The following ABCA4 variants were observed in gnomAD, a reference collection of about 807,000 sequenced individuals.
ABCA4 encodes retinal-specific phospholipid-transporting ATPase ABCA4.
In ABCA4, 196 loss-of-function variants were observed where a neutral mutation model predicts 263.7. The ratio of observed to expected loss-of-function variants is 0.74; its 90% CI spans 0.66 to 0.84. ABCA4 has a LOEUF of 0.84. Among genes scored for constraint, ABCA4 ranks in the 40% least tolerant of loss-of-function variants. ABCA4 has a pLI of 0.00. For missense variants in ABCA4, 2,792 were observed against 2,855.1 expected (o/e 0.98, Z 0.50); for synonymous variants, 1,133 against 1,094.2 (o/e 1.04, Z -0.70).
intron 11 of ABCA4, among the ~76,000 whole-genome samples, chr1:94,075,134 G>A (rs1404049126): frequency 6.6e-6 from 1 of 152,062 alleles, no homozygotes. Context: ...ACACAGGGAG[G>A]GGAACATCAC....
chr1:94,005,507 G>C lies in ABCA4; in HGVS notation c.6081C>G (p.Leu2027=). The C allele has an allele frequency of 6.2e-7, 1 of 1,614,104 alleles. No individual in the cohort carries two copies. The highest frequency in any genetic ancestry group is 1.1e-5 in the South Asian group (1 of 91,084). Residue 2027 remains leucine, a synonymous_variant, in exon 44 of 50, where the codon CTC becomes CTG. Transcript: ENST00000370225. ...AAAGGTAAAGATGTTCTCGTCCTGT[G>C]AGCAGCTCATCAATTGCATCAAACT... ...CPQFDAIDEL[L]TGREHLYLYA...
At chr1:94,037,089 T>C (rs913683409) in intron 25 of ABCA4, 56 bp downstream of exon 25, 2 of 1,579,586 alleles carry the variant, frequency 1.3e-6, no homozygotes, top group Admixed American at 3.3e-5. Flanking sequence ...TTAGACTTTT[T>C]CAAAGAACCG....
chr1:94,032,646 AG>A (rs1660236722), intron 26 of ABCA4, among the ~76,000 whole-genome samples: 1 of 152,208 alleles, frequency 6.6e-6, no homozygotes, highest in South Asian at 2.1e-4. Flanking sequence ...AACAGCACAA[AG>A]AAAACCAAAC....
intron 11 of ABCA4, among the ~76,000 whole-genome samples, chr1:94,073,184 C>T (rs952997245): frequency 1.3e-5 from 2 of 152,174 alleles, no homozygotes; most frequent in Non-Finnish European, 2.9e-5. Flanking sequence ...AAATCCAGGA[C>T]AAGCCACAGT....
chr1:94,007,681 A>G lies in ABCA4; in HGVS notation c.5958T>C (p.Thr1986=). The G allele has an allele frequency of 6.2e-7, 1 of 1,614,120 alleles. No homozygotes were observed. Reference sequence around the variant, plus strand: ...CCCCTGAGGTCACTGTGGTGTCCCCAGTGAGCATCTTGAATGTGGTTGTTT... The same window carrying G: ...CCCCTGAGGTCACTGTGGTGTCCCCGGTGAGCATCTTGAATGTGGTTGTTT... The part of the protein sequence containing the change: ...AGKTTTFKML[T]GDTTVTSGDA... Residue 1986 remains threonine (T), a synonymous_variant, in exon 43 of 50, where the codon ACT becomes ACC. Transcript: ENST00000370225.
Position 94,077,700 on chromosome 1 carries a change from T to C in ABCA4, c.1544A>G (p.Gln515Arg), listed in dbSNP as rs372838089. The change falls in exon 11 of 50, where the codon CAA (glutamine) becomes CGA (arginine). Residue 515 changes from glutamine (Q) to arginine (R), a missense_variant. By Grantham distance (43) the Gln-to-Arg change is conservative. Transcript: ENST00000370225. ...ITDRTLRLVN[Q>R]YLECLVLDKF... is the part of the protein sequence containing the mutation. ...CTTGCAGCCCCTTACCTCCAGGTAT[T>C]GATTGACCAGGCGGAGGGTGCGATC... The C allele has an allele frequency of 1.8e-5, 29 of 1,612,372 alleles. No individual in the cohort carries two copies. In the African/African-American group the frequency reaches 3.7e-4, roughly 21 times the overall value.
Position 94,111,337 on chromosome 1 carries a change from G to A in ABCA4, c.302+101C>T, listed in dbSNP as rs2297635. On this transcript the variant is annotated intron_variant, in intron 3 of 49. Coordinates refer to ENST00000370225, the MANE Select transcript of ABCA4 (RefSeq NM_000350.3). ...GGTTAGGGGCTCAGCAAAGCCACAA[G>A]AACACTCAGTGCTCCATGCTCCGTG... 172,384 of 1,488,106 alleles carry A rather than the reference G, an allele frequency of 0.12. 12,482 individuals carry two copies. The highest frequency in any genetic ancestry group is 0.29 in the African/African-American group (21,021 of 72,120). The allele number at this position is 1,488,106 out of a possible 1,614,324, so 92.2% of individuals were successfully genotyped here.
In ABCA4 at chr1:94,079,568, G is replaced by T. The variant is rs114125738; in HGVS notation, c.1100-107C>A. 7.4e-4 allele frequency: 1,129 copies of T among 1,525,670 alleles called. 4 individuals are homozygous for T. The African/African-American group carries it at 0.014, about 18-fold the overall frequency. 94.5% of individuals were successfully genotyped at this position (1,525,670 alleles called of 1,614,324 possible). A position where few individuals can be genotyped will look rare whatever the true frequency, so the allele number is the denominator to read the frequency against. On this transcript the variant is annotated intron_variant, in intron 8 of 49. Coordinates refer to ENST00000370225, the MANE Select transcript of ABCA4 (RefSeq NM_000350.3). ...ATGTCTCATTCAACTCCATGCTGGA[G>T]GATTTGATGAATAACCTAAATTAAT...
Position 94,056,772 on chromosome 1 carries a change from C to T in ABCA4, c.2211G>A (p.Leu737=). The change falls in exon 15 of 50, where the codon TTG becomes TTA. Residue 737 remains leucine, a synonymous_variant. Transcript: ENST00000370225. ...TGATGGTGGCAGTGGAGAAAGCCAACAAGAACAGGAAGAGGATGAATGGGT... is the reference window on the plus strand; with the variant it reads ...TGATGGTGGCAGTGGAGAAAGCCAATAAGAACAGGAAGAGGATGAATGGGT... ...YSDPFILFLF[L]LAFSTATIML... 6.2e-7 allele frequency: 1 copy of T among 1,613,136 alleles called. No homozygotes were observed. The highest frequency in any genetic ancestry group is 8.5e-7 in the Non-Finnish European group (1 of 1,179,508).
At chr1:94,064,673 G>T (rs545803399) in intron 11 of ABCA4, among the ~76,000 whole-genome samples, 7 of 152,302 alleles carry the variant, frequency 4.6e-5, no homozygotes, top group South Asian at 2.1e-4. Context: ...AAACTCCCTA[G>T]GTAATTGCAA....
At position 94,045,318 on chromosome 1, in the gene ABCA4, CTT is replaced by C. The variant is rs10717749; in HGVS notation, c.2919-576_2919-575del. 4.4e-3 allele frequency among the ~76,000 whole-genome samples: 588 copies of C among 132,586 alleles called. 6 individuals are homozygous for C. The highest frequency in any genetic ancestry group is 0.016 in the South Asian group (61 of 3,934). 87.0% of individuals were successfully genotyped at this position (132,586 alleles called of 152,430 possible). ...TAAAAAGCCTCAGAGCAATGGTGGG[CTT>C]TTTTTTTTTTTTTTTTTAAATGGGA... On this transcript the variant is annotated intron_variant, in intron 19 of 49. Transcript: ENST00000370225.
intron 4 of ABCA4, among the ~76,000 whole-genome samples, chr1:94,104,965 GCATGCACACA>G (rs905036508): frequency 1.3e-5 from 2 of 151,534 alleles, no homozygotes; most frequent in African/African-American, 2.4e-5. Context: ...ACACACACAC[GCATGCACACA>G]CATGCACACA....
chr1:94,024,546 C>G (rs1659985289), intron 31 of ABCA4, among the ~76,000 whole-genome samples: 1 of 152,250 alleles, frequency 6.6e-6, no homozygotes, highest in South Asian at 2.1e-4. Context: ...TTTTTTGCCA[C>G]TTACTTATTT....
chr1:94,108,213 C>T lies in ABCA4; in HGVS notation c.442+364G>A, dbSNP rs567010036. 2.2e-4 allele frequency among the ~76,000 whole-genome samples: 34 copies of T among 152,336 alleles called. No homozygotes were observed. In the South Asian group the frequency reaches 6.8e-3, roughly 31 times the overall value. On this transcript the variant is annotated intron_variant, in intron 4 of 49. Coordinates refer to ENST00000370225, the MANE Select transcript of ABCA4 (RefSeq NM_000350.3). The stretch of plus-strand genomic sequence containing the variant: ...TGCTGCTTCATGTTCCTGGTTAGCT[C>T]TCGCTCTAGAACTCTGTGAGAGTTG...
intron 43 of ABCA4, 148 bp from the exon 44 acceptor site, chr1:94,005,730 G>C: frequency 1.4e-6 from 1 of 715,116 alleles, no homozygotes; most frequent in South Asian, 1.9e-5. Flanking sequence ...GGATATTTGG[G>C]AATCAAAACA....
chr1:94,045,611 G>A (rs1660650060), intron 19 of ABCA4: 1 of 389,736 alleles, frequency 2.6e-6, no homozygotes, highest in Non-Finnish European at 5.2e-6. Context: ...ATGCAGGGCC[G>A]CCACACCCAG....
chr1:94,092,284 C>A (rs1055627793), intron 6 of ABCA4, among the ~76,000 whole-genome samples: 1 of 152,152 alleles, frequency 6.6e-6, no homozygotes, highest in Non-Finnish European at 1.5e-5. Flanking sequence ...AGGTGAAAAG[C>A]AGTTGAAGCA....
intron 45 of ABCA4, 187 bp downstream of exon 45, chr1:94,001,671 T>G: frequency 1.2e-6 from 1 of 860,412 alleles, no homozygotes; most frequent in Non-Finnish European, 1.9e-6. Context: ...TGCCGTGACT[T>G]GTTTTTCTCC....
At position 94,001,908 on chromosome 1, in the gene ABCA4, T is replaced by G. The variant is rs951379922; in HGVS notation, c.6232A>C (p.Lys2078Gln). The change falls in exon 45 of 50, where the codon AAA becomes CAA. Residue 2078 changes from lysine to glutamine, a missense_variant. By Grantham distance (53) the Lys-to-Gln change is moderately conservative. Transcript: ENST00000370225. Reference protein sequence around the residue: ...AGTYSGGNKRKLSTAIALIGC... With the variant: ...AGTYSGGNKRQLSTAIALIGC... The stretch of plus-strand genomic sequence containing the variant: ...ATGAGTGCGATGGCTGTGGAGAGTT[T>G]CCGCTTGTTGCCCCCACTGTACGTG... The G allele has an allele frequency of 2.5e-6, 4 of 1,614,204 alleles. No homozygotes were observed. Among genetic ancestry groups the G allele is most frequent in the Non-Finnish European group, 3.4e-6 (4 of 1,180,038 alleles).
Sources: gnomAD v4.1 joint callset for allele counts (sites outside exome capture counted in the v4.1 genomes callset) on GRCh38, gnomAD v4.1.1 for gene constraint, MANE v1.5 for transcripts, NCBI Gene and HGNC (gene_info 2026-07-23, HGNC 2026-07-21) for gene names.